The following NOL4 variants were observed in gnomAD, a reference collection of about 807,000 sequenced individuals.
NOL4 encodes the protein cancer/testis antigen 125.
In NOL4, 17 loss-of-function variants were observed where a neutral mutation model predicts 75.9. The observed-to-expected ratio is 0.22, with a 90% CI of 0.15 to 0.34. The LOEUF is 0.34. NOL4 is among the 10% of genes least tolerant of loss of function. The pLI is 1.00. For synonymous variants in NOL4, 292 were observed against 289.9 expected (o/e 1.01, Z -0.07); for missense variants, 614 against 793.5 (o/e 0.77, Z 2.72).
At chr18:34,052,008 G>A (rs575457935) in intron 5 of NOL4, among the ~76,000 whole-genome samples, 16 of 152,078 alleles carry the variant, frequency 1.1e-4, no homozygotes, top group Admixed American at 1.1e-3. Context: ...CTCTCCTAAG[G>A]AATATGGGAA....
intron 5 of NOL4, among the ~76,000 whole-genome samples, chr18:34,091,465 C>T (rs574063719): frequency 2.6e-5 from 4 of 152,154 alleles, no homozygotes; most frequent in East Asian, 3.9e-4. Flanking sequence ...TTCCTTCCCT[C>T]GGGAGGATTC....
At chr18:33,950,401 T>C (rs556086258) in intron 8 of NOL4, among the ~76,000 whole-genome samples, 1 of 152,082 alleles carries the variant, frequency 6.6e-6, no homozygotes, top group Non-Finnish European at 1.5e-5. Context: ...TGTCACACAA[T>C]AAAAATTATC....
chr18:33,928,365 A>G (rs935906855), intron 9 of NOL4, among the ~76,000 whole-genome samples: 6 of 152,214 alleles, frequency 3.9e-5, no homozygotes, highest in African/African-American at 1.4e-4. Flanking sequence ...TAAAACATCA[A>G]ATTTTCCATA....
In NOL4 at chr18:34,213,766, C is replaced by T. The variant is rs546736059; in HGVS notation, c.264+9224G>A. On this transcript the variant is annotated intron_variant, in intron 1 of 10. Transcript: ENST00000261592. ...CCCTCAGAACTGTAAGAAATAAATC[C>T]TCATTCTTTATAAATTAACCATTCT... Among the ~76,000 whole-genome samples, 38 of 152,234 alleles carry T rather than the reference C, an allele frequency of 2.5e-4. 1 individual carries two copies. Among genetic ancestry groups the T allele is most frequent in the African/African-American group, 8.4e-4 (35 of 41,538 alleles).
At chr18:33,953,895 C>A (rs899162879) in intron 8 of NOL4, among the ~76,000 whole-genome samples, 1 of 152,020 alleles carries the variant, frequency 6.6e-6, no homozygotes, top group Admixed American at 6.6e-5. Context: ...GTAGTAACTG[C>A]CCAAAAGCAG....
At chr18:33,917,930 G>C (rs1360880569) in intron 9 of NOL4, among the ~76,000 whole-genome samples, 1 of 152,132 alleles carries the variant, frequency 6.6e-6, no homozygotes, top group Non-Finnish European at 1.5e-5. Context: ...CACATTTTAT[G>C]AACTGTGGGT....
chr18:34,168,886 A>G (rs1321018050), intron 1 of NOL4, among the ~76,000 whole-genome samples: 3 of 151,932 alleles, frequency 2.0e-5, no homozygotes, highest in Non-Finnish European at 4.4e-5. Context: ...TAAAAAATAA[A>G]CAAGATAGAT....
At chr18:33,949,589 C>A (rs1460335046) in intron 8 of NOL4, among the ~76,000 whole-genome samples, 2 of 152,056 alleles carry the variant, frequency 1.3e-5, no homozygotes, top group African/African-American at 4.8e-5. Context: ...AGCAGCAAAC[C>A]CCTGAAATTG....
At chr18:34,145,648 A>G (rs553787139) in intron 1 of NOL4, among the ~76,000 whole-genome samples, 36 of 152,054 alleles carry the variant, frequency 2.4e-4, no homozygotes, top group African/African-American at 7.0e-4. Flanking sequence ...TTAAAAAGGA[A>G]AAGAAAAACA....
Position 33,886,937 on chromosome 18 carries a change from T to TAG in NOL4, c.1543-3514_1543-3513insCT, listed in dbSNP as rs1299682797. On this transcript the variant is annotated intron_variant, in intron 9 of 10. Coordinates refer to ENST00000261592, the MANE Select transcript of NOL4 (RefSeq NM_003787.5). Reference sequence around the variant, plus strand: ...CTATATACATATATATCTATATATCTATATATCTAGATATATTATATCTAG... The same window carrying TAG: ...CTATATACATATATATCTATATATCTAGATATATCTAGATATATTATATCTAG... 3.2e-3 allele frequency among the ~76,000 whole-genome samples: 429 copies of TAG among 134,612 alleles called. 3 individuals carry two copies. Among genetic ancestry groups the TAG allele is most frequent in the African/African-American group, 0.012 (401 of 34,158 alleles). The allele number at this position is 134,612 out of a possible 152,430, so 88.3% of individuals were successfully genotyped here.
chr18:34,080,526 A>AAAGC (rs2077960171), intron 5 of NOL4, among the ~76,000 whole-genome samples: 1 of 152,174 alleles, frequency 6.6e-6, no homozygotes, highest in African/African-American at 2.4e-5. Context: ...GCTAACATAA[A>AAAGC]AAGCGGCATG....
chr18:34,203,210 G>A (rs78170244), intron 1 of NOL4, among the ~76,000 whole-genome samples: 116 of 152,148 alleles, frequency 7.6e-4, no homozygotes, highest in Non-Finnish European at 1.5e-3. Context: ...TGCTATATAG[G>A]TCCATTTTGA....
chr18:34,059,380 G>A (rs1464573233), intron 5 of NOL4, among the ~76,000 whole-genome samples: 1 of 151,936 alleles, frequency 6.6e-6, no homozygotes, highest in Non-Finnish European at 1.5e-5. Context: ...GCCATGTCCT[G>A]TATATGTCTC....
At chr18:34,123,321 G>A (rs1462871403) in intron 2 of NOL4, among the ~76,000 whole-genome samples, 1 of 151,118 alleles carries the variant, frequency 6.6e-6, no homozygotes, top group East Asian at 1.9e-4. Flanking sequence ...ATTTTTAACT[G>A]TTTCCTTCTG....
chr18:34,031,952 G>T (rs1311085681), intron 5 of NOL4, among the ~76,000 whole-genome samples: 4 of 152,186 alleles, frequency 2.6e-5, no homozygotes, highest in Admixed American at 6.5e-5. Context: ...AACACCTGGA[G>T]ATCTAAGCAG....
chr18:34,102,647 G>A (rs146495504), intron 4 of NOL4, among the ~76,000 whole-genome samples: 17 of 152,018 alleles, frequency 1.1e-4, no homozygotes, highest in Admixed American at 9.2e-4. Context: ...ATATGTGGGC[G>A]CATTGTTGGC....
chr18:33,901,231 A>G (rs980463341), intron 9 of NOL4, among the ~76,000 whole-genome samples: 3 of 152,142 alleles, frequency 2.0e-5, no homozygotes, highest in African/African-American at 7.2e-5. Flanking sequence ...GTCTTTGTTT[A>G]TGTGATTTTT....
Position 33,986,773 on chromosome 18 carries a change from C to G in NOL4, c.1057-28355G>C, listed in dbSNP as rs188503753. On this transcript the variant is annotated intron_variant, in intron 6 of 10. Transcript: ENST00000261592. ...AAAAAAAATCTCACACTTATTTACC[C>G]AAAATAAATGAAAACATAAGTTCAC... Among the ~76,000 whole-genome samples the G allele has an allele frequency of 3.4e-3, 516 of 152,094 alleles. 3 individuals carry two copies. Among genetic ancestry groups the G allele is most frequent in the Middle Eastern group, 0.01 (3 of 294 alleles).
chr18:34,009,044 C>T (rs1185514070), intron 6 of NOL4, among the ~76,000 whole-genome samples: 1 of 151,920 alleles, frequency 6.6e-6, no homozygotes, highest in South Asian at 2.1e-4. Context: ...TGGATCTTCC[C>T]CTCCAGAAGT....
Sources: gnomAD v4.1 joint callset for allele counts (sites outside exome capture counted in the v4.1 genomes callset) on GRCh38, gnomAD v4.1.1 for gene constraint, MANE v1.5 for transcripts, NCBI Gene and HGNC (gene_info 2026-07-23, HGNC 2026-07-21) for gene names.